VEPH1: variants seen among roughly 807,000 people sequenced by gnomAD.
VEPH1 encodes ventricular zone-expressed PH domain-containing protein homolog 1.
A neutral mutation model predicts 85.2 loss-of-function variants in VEPH1; 80 were observed. The observed-to-expected ratio is 0.94, with a 90% CI of 0.78 to 1.13. The LOEUF (loss-of-function observed/expected upper bound fraction) is 1.13, where lower values mean the gene tolerates loss of function less well. VEPH1 is among the 50% of genes most tolerant of loss of function. VEPH1 has a pLI of 0.00. For synonymous variants in VEPH1, 297 were observed against 348.0 expected (o/e 0.85, Z 1.63); for missense variants, 955 against 980.5 (o/e 0.97, Z 0.35).
chr3:157,423,231 A>C (rs1301338091), intron 5 of VEPH1, among the ~76,000 whole-genome samples: 1 of 152,244 alleles, frequency 6.6e-6, no homozygotes, highest in African/African-American at 2.4e-5. Flanking sequence ...GCACTGAAAG[A>C]AACAGTCGTG....
intron 9 of VEPH1, among the ~76,000 whole-genome samples, chr3:157,347,311 T>A (rs1471564103): frequency 6.6e-6 from 1 of 152,226 alleles, no homozygotes; most frequent in Non-Finnish European, 1.5e-5. Context: ...TGTCTACATT[T>A]CCTGGGGAAA....
In VEPH1 at chr3:157,364,880, A is replaced by G. The variant is rs560364100; in HGVS notation, c.1128-368T>C. 3.9e-5 allele frequency among the ~76,000 whole-genome samples: 6 copies of G among 152,342 alleles called. No homozygotes were observed. In the South Asian group the frequency reaches 1.2e-3, roughly 32 times the overall value. On this transcript the variant is annotated intron_variant, in intron 7 of 13. Transcript: ENST00000362010. ...TTCTAAAAAATTTACATGTGCTGATATGTTTGTACTGAAATTACAGAATAA... is the reference window on the plus strand; with the variant it reads ...TTCTAAAAAATTTACATGTGCTGATGTGTTTGTACTGAAATTACAGAATAA...
intron 12 of VEPH1, among the ~76,000 whole-genome samples, chr3:157,279,935 G>C (rs1715873906): frequency 6.8e-6 from 1 of 147,774 alleles, no homozygotes; most frequent in African/African-American, 2.5e-5. Flanking sequence ...AGAATCGCTT[G>C]AACCCGGGAG....
At chr3:157,332,193 T>C (rs1722571743) in intron 9 of VEPH1, among the ~76,000 whole-genome samples, 1 of 152,214 alleles carries the variant, frequency 6.6e-6, no homozygotes, top group Non-Finnish European at 1.5e-5. Context: ...TATCACAGAA[T>C]ATGTAGTCAT....
chr3:157,309,274 T>C (rs1186954974), intron 11 of VEPH1, among the ~76,000 whole-genome samples: 1 of 152,206 alleles, frequency 6.6e-6, no homozygotes, highest in Admixed American at 6.5e-5. Flanking sequence ...TTTATTTCAG[T>C]ATTTTAATAA....
At chr3:157,265,058 A>G (rs1713441207) in intron 13 of VEPH1, among the ~76,000 whole-genome samples, 1 of 152,204 alleles carries the variant, frequency 6.6e-6, no homozygotes, top group African/African-American at 2.4e-5. Flanking sequence ...GATGAAAGAC[A>G]GTAATATTTT....
chr3:157,323,410 C>T (rs2108561983), intron 9 of VEPH1, among the ~76,000 whole-genome samples: 1 of 152,310 alleles, frequency 6.6e-6, no homozygotes, highest in African/African-American at 2.4e-5. Context: ...GAAGGAAAAA[C>T]TGCCAAATCT....
In VEPH1 at chr3:157,317,244, AGAGTTACACTTTATATT is replaced by A. The variant is rs753443923; in HGVS notation, c.1736-60_1736-44del. 3 of 1,530,728 alleles carry A rather than the reference AGAGTTACACTTTATATT, an allele frequency of 2.0e-6. No individual in the cohort carries two copies. The South Asian group carries it at 4.0e-5, about 20-fold the overall frequency. The allele number at this position is 1,530,728 out of a possible 1,614,324, so 94.8% of individuals were successfully genotyped here. Reference sequence around the variant, plus strand: ...TAGCGTTAAACGTTATGGTCTTTCCAGAGTTACACTTTATATTGATACTTCAACACACAAATGCCTTT... The same window carrying A: ...TAGCGTTAAACGTTATGGTCTTTCCAGATACTTCAACACACAAATGCCTTT... On this transcript the variant is annotated intron_variant, in intron 9 of 13. Coordinates refer to ENST00000362010, the MANE Select transcript of VEPH1 (RefSeq NM_001167912.2).
At chr3:157,372,148 A>T (rs1727561716) in intron 7 of VEPH1, among the ~76,000 whole-genome samples, 3 of 152,208 alleles carry the variant, frequency 2.0e-5, no homozygotes, top group Admixed American at 2.0e-4. Context: ...GAGCTAAGAC[A>T]TTGTCACTCT....
rs1180402453 is a variant in VEPH1, at chr3:157,353,981, T to A, written c.1735+9383A>T. The stretch of plus-strand genomic sequence containing the variant: ...TTTAGGGCAGTGAAATTACTCTGTT[T>A]GAAACTACAATAACGGACGCAGGTC... On this transcript the variant is annotated intron_variant, in intron 9 of 13. Transcript: ENST00000362010. 3.3e-5 allele frequency among the ~76,000 whole-genome samples: 5 copies of A among 152,136 alleles called. 1 individual carries two copies. In the South Asian group the frequency reaches 8.3e-4, roughly 25 times the overall value.
chr3:157,460,117 C>T (rs1050259065), intron 4 of VEPH1, 64 bp downstream of exon 4: 16 of 1,613,568 alleles, frequency 9.9e-6, no homozygotes, highest in Middle Eastern at 1.6e-4. Context: ...ACCATAAATG[C>T]TTGATGAAAA....
intron 2 of VEPH1, among the ~76,000 whole-genome samples, chr3:157,479,871 G>A (rs971419462): frequency 6.6e-6 from 1 of 152,206 alleles, no homozygotes; most frequent in African/African-American, 2.4e-5. Context: ...TGCACAGTAA[G>A]TGCAGATAAA....
chr3:157,495,384 G>T lies in VEPH1; in HGVS notation c.-35C>A, dbSNP rs16827739. The T allele has an allele frequency of 2.9e-3, 4,622 of 1,609,370 alleles. 112 individuals are homozygous for T. In the East Asian group the frequency reaches 0.046, roughly 16 times the overall value. On this transcript the variant is annotated 5_prime_UTR_variant, in exon 2 of 14. In the 5' UTR this introduces an upstream ATG that the reference lacks. Coordinates refer to ENST00000362010, the MANE Select transcript of VEPH1 (RefSeq NM_001167912.2). ...GAGTTTGATCAGTTGACTTTCTACA[G>T]ACCCAGAGTCATGTGTTCCAGTTAT... is the stretch of plus-strand genomic sequence containing the variant.
intron 9 of VEPH1, among the ~76,000 whole-genome samples, chr3:157,336,385 G>A (rs1722967921): frequency 6.6e-6 from 1 of 152,094 alleles, no homozygotes; most frequent in South Asian, 2.1e-4. Flanking sequence ...CCCCTCCAAT[G>A]ATGCTTAGAA....
intron 2 of VEPH1, among the ~76,000 whole-genome samples, chr3:157,481,839 A>C (rs1480487933): frequency 3.9e-5 from 6 of 152,234 alleles, no homozygotes; most frequent in Admixed American, 3.3e-4. Context: ...TCATTTATTG[A>C]ATAGGGTATC....
At chr3:157,356,026 A>G (rs1725387121) in intron 9 of VEPH1, among the ~76,000 whole-genome samples, 1 of 151,794 alleles carries the variant, frequency 6.6e-6, no homozygotes, top group South Asian at 2.1e-4. Context: ...CAGCCTCCCA[A>G]GCAGCTGGGA....
chr3:157,308,329 T>C (rs1385882924), intron 11 of VEPH1, among the ~76,000 whole-genome samples: 3 of 151,992 alleles, frequency 2.0e-5, no homozygotes, highest in Non-Finnish European at 4.4e-5. Context: ...TTTTTCTGTA[T>C]GTACAAAATT....
intron 9 of VEPH1, among the ~76,000 whole-genome samples, chr3:157,331,847 A>G (rs1297432160): frequency 1.3e-5 from 2 of 152,220 alleles, no homozygotes; most frequent in Non-Finnish European, 2.9e-5. Flanking sequence ...CATAAGCTTT[A>G]TTATCACAGG....
intron 1 of VEPH1, among the ~76,000 whole-genome samples, chr3:157,497,679 G>C (rs943394106): frequency 6.6e-6 from 1 of 152,122 alleles, no homozygotes; most frequent in African/African-American, 2.4e-5. Context: ...GCAGTAATAC[G>C]TGCTGGTACA....
Sources: allele counts gnomAD v4.1 joint callset (sites outside exome capture counted in the v4.1 genomes callset), GRCh38; gene constraint gnomAD v4.1.1; transcripts MANE v1.5; gene names NCBI Gene and HGNC (gene_info 2026-07-23, HGNC 2026-07-21).